THSD7B: variants seen among roughly 807,000 people sequenced by gnomAD.
THSD7B encodes the protein thrombospondin type-1 domain-containing protein 7B.
Under a neutral mutation model 213.6 loss-of-function variants are expected in THSD7B, and 138 were observed. That is an observed-to-expected ratio of 0.65 (90% CI 0.56 to 0.74). THSD7B has a LOEUF of 0.74. Among genes scored for constraint, THSD7B ranks in the 30% least tolerant of loss-of-function variants. The pLI, the probability that THSD7B is intolerant of heterozygous loss-of-function variation, is 0.00. For missense variants in THSD7B, 1,931 were observed against 1,991.5 expected (o/e 0.97, Z 0.58); for synonymous variants, 742 against 687.0 (o/e 1.08, Z -1.25).
At chr2:137,338,588 T>C (rs1684691341) in intron 12 of THSD7B, among the ~76,000 whole-genome samples, 1 of 152,118 alleles carries the variant, frequency 6.6e-6, no homozygotes, top group Non-Finnish European at 1.5e-5. Flanking sequence ...TTTACAATGT[T>C]AATGAATTAT....
At chr2:137,481,636 A>G in intron 15 of THSD7B, among the ~76,000 whole-genome samples, 1 of 152,264 alleles carries the variant, frequency 6.6e-6, no homozygotes, top group East Asian at 1.9e-4. Context: ...AGCAATAAAG[A>G]AATGAATAAA....
At chr2:137,374,848 A>G (rs909120412) in intron 12 of THSD7B, among the ~76,000 whole-genome samples, 1 of 152,124 alleles carries the variant, frequency 6.6e-6, no homozygotes, top group African/African-American at 2.4e-5. Context: ...TTGCATATCA[A>G]TACACTTGAG....
chr2:136,967,710 G>A (rs1252725175), intron 2 of THSD7B, among the ~76,000 whole-genome samples: 1 of 152,130 alleles, frequency 6.6e-6, no homozygotes, highest in Non-Finnish European at 1.5e-5. Context: ...TACTCCCAAT[G>A]TGTCTCTTTC....
intron 12 of THSD7B, among the ~76,000 whole-genome samples, chr2:137,384,466 C>T (rs1573996867): frequency 6.6e-6 from 1 of 152,276 alleles, no homozygotes; most frequent in East Asian, 1.9e-4. Context: ...TAAAATTCTC[C>T]TCTTTCTGCC....
chr2:137,638,295 G>A (rs924116670), intron 20 of THSD7B, among the ~76,000 whole-genome samples: 13 of 152,108 alleles, frequency 8.5e-5, no homozygotes, highest in African/African-American at 2.7e-4. Context: ...GGTCTTTCCC[G>A]TGCTATTCTT....
intron 14 of THSD7B, among the ~76,000 whole-genome samples, chr2:137,431,138 G>A (rs577015924): frequency 6.6e-5 from 10 of 152,268 alleles, no homozygotes; most frequent in East Asian, 1.9e-4. Context: ...GGTTTTATCC[G>A]TTTTAGAGAG....
intron 1 of THSD7B, among the ~76,000 whole-genome samples, chr2:136,776,100 A>G (rs1272745919): frequency 6.6e-6 from 1 of 152,056 alleles, no homozygotes; most frequent in Non-Finnish European, 1.5e-5. Context: ...CAGAGTTTTT[A>G]TGGAGTTAGG....
chr2:136,877,036 C>A (rs144232649), intron 1 of THSD7B, among the ~76,000 whole-genome samples: 1 of 152,150 alleles, frequency 6.6e-6, no homozygotes, highest in Non-Finnish European at 1.5e-5. Flanking sequence ...GTGATGTGTG[C>A]GTCTGTGAAT....
chr2:136,950,892 C>G (rs149357794), intron 2 of THSD7B, among the ~76,000 whole-genome samples: 85 of 152,332 alleles, frequency 5.6e-4, no homozygotes, highest in African/African-American at 2.0e-3. Context: ...ATAACTCCGT[C>G]CTTTACTTCA....
chr2:137,373,150 A>G (rs969253669), intron 12 of THSD7B, among the ~76,000 whole-genome samples: 55 of 152,220 alleles, frequency 3.6e-4, no homozygotes, highest in African/African-American at 1.3e-3. Context: ...TAGTGCCGCA[A>G]TAAACATACG....
chr2:137,169,180 A>C lies in THSD7B; in HGVS notation c.1526-1561A>C, dbSNP rs112816507. The stretch of plus-strand genomic sequence containing the variant: ...GGGTTATCTTAGGAAAAAAAAAAAA[A>C]AAACTCAAAGCACTTAAAAATCCTT... On this transcript the variant is annotated intron_variant, in intron 6 of 27. Coordinates refer to ENST00000409968, the MANE Select transcript of THSD7B (RefSeq NM_001316349.2). Among the ~76,000 whole-genome samples, 1,317 of 151,888 alleles carry C rather than the reference A, an allele frequency of 8.7e-3. 23 individuals carry two copies. Among genetic ancestry groups the C allele is most frequent in the African/African-American group, 0.03 (1,243 of 41,444 alleles).
chr2:137,321,404 G>A (rs878526), intron 12 of THSD7B, among the ~76,000 whole-genome samples: 83,863 of 152,028 alleles, frequency 0.55, 25,999 homozygotes, highest in East Asian at 0.75. Context: ...TGAAAGTCAC[G>A]CACATGCATT....
chr2:137,328,425 G>A (rs1297268899), intron 12 of THSD7B, among the ~76,000 whole-genome samples: 4 of 152,194 alleles, frequency 2.6e-5, no homozygotes, highest in Non-Finnish European at 4.4e-5. Flanking sequence ...TTAAATGTTA[G>A]CTAGGATACT....
chr2:137,150,651 C>T (rs767759352), intron 5 of THSD7B, among the ~76,000 whole-genome samples: 36 of 152,138 alleles, frequency 2.4e-4, no homozygotes, highest in Non-Finnish European at 3.1e-4. Context: ...TACCCAGTCT[C>T]GGGTATTTCT....
chr2:137,221,521 A>G (rs1054793810), intron 7 of THSD7B, among the ~76,000 whole-genome samples: 1 of 152,218 alleles, frequency 6.6e-6, no homozygotes, highest in African/African-American at 2.4e-5. Context: ...ATAATGGAAA[A>G]AAAGAAAATA....
At chr2:137,001,704 A>G (rs1686002179) in intron 2 of THSD7B, among the ~76,000 whole-genome samples, 2 of 152,288 alleles carry the variant, frequency 1.3e-5, no homozygotes, top group South Asian at 2.1e-4. Flanking sequence ...GCTCCAATTC[A>G]GAAATATGTT....
rs568720616 is a variant in THSD7B, at chr2:136,933,090, T to G, written c.139+50773T>G. Among the ~76,000 whole-genome samples the G allele has an allele frequency of 1.5e-3, 226 of 148,036 alleles. 2 individuals carry two copies. Among genetic ancestry groups the G allele is most frequent in the African/African-American group, 5.1e-3 (203 of 39,668 alleles). ...CAGGAGTGACTTCTGCATTTGTAGA[T>G]TATATATTTTGCCCGCCATTCCTTC... is the stretch of plus-strand genomic sequence containing the variant. On this transcript the variant is annotated intron_variant, in intron 2 of 27. Transcript: ENST00000409968.
chr2:137,460,776 G>C (rs965582911), intron 15 of THSD7B, among the ~76,000 whole-genome samples: 12 of 152,128 alleles, frequency 7.9e-5, no homozygotes, highest in African/African-American at 2.9e-4. Context: ...TTTTCACAAA[G>C]TAAACATTCT....
At chr2:137,475,815 T>C (rs754613141) in intron 15 of THSD7B, among the ~76,000 whole-genome samples, 1 of 152,192 alleles carries the variant, frequency 6.6e-6, no homozygotes, top group Non-Finnish European at 1.5e-5. Context: ...ACTGATTTCT[T>C]TCCTTTGGAT....
Sources: allele counts gnomAD v4.1 joint callset (sites outside exome capture counted in the v4.1 genomes callset), GRCh38; gene constraint gnomAD v4.1.1; transcripts MANE v1.5; gene names NCBI Gene and HGNC (gene_info 2026-07-23, HGNC 2026-07-21).